The following MICAL2 variants were observed in gnomAD, a reference collection of about 807,000 sequenced individuals.
The protein encoded by MICAL2 is microtubule associated monooxygenase, calponin and LIM domain containing 2.
Under a neutral mutation model 127.3 loss-of-function variants are expected in MICAL2, and 77 were observed. That is an observed-to-expected ratio of 0.60 (90% CI 0.50 to 0.73). MICAL2 has a LOEUF of 0.73. MICAL2 is among the 30% of genes least tolerant of loss of function. MICAL2 has a pLI of 0.00. For missense variants in MICAL2, 1,351 were observed against 1,434.4 expected (o/e 0.94, Z 0.94); for synonymous variants, 570 against 551.1 (o/e 1.03, Z -0.48).
exon 3 of MICAL2, chr11:12,287,290 G>A (rs891427148): frequency 2.5e-6 from 1 of 395,126 alleles, no homozygotes; most frequent in African/African-American, 2.1e-5. Flanking sequence ...GGTTGTCAGA[G>A]GCAAGAAATA....
At chr11:12,162,776 A>G (rs1854985043) in intron 3 of MICAL2, among the ~76,000 whole-genome samples, 1 of 152,206 alleles carries the variant, frequency 6.6e-6, no homozygotes, top group South Asian at 2.1e-4. Flanking sequence ...CCATGATTTC[A>G]ATGAACAGCT....
chr11:12,305,890 A>G (rs1864104216), intron 29 of MICAL2, among the ~76,000 whole-genome samples: 2 of 152,196 alleles, frequency 1.3e-5, no homozygotes, highest in Admixed American at 1.3e-4. Context: ...TTCAAATGAT[A>G]TGGTTTTTAA....
intron 3 of MICAL2, among the ~76,000 whole-genome samples, chr11:12,184,599 C>T (rs926930955): frequency 2.6e-5 from 4 of 152,224 alleles, no homozygotes; most frequent in Middle Eastern, 3.2e-3. Flanking sequence ...TAAATAAATT[C>T]CCAATACAGT....
At chr11:12,168,163 C>CACACACAG (rs1855746516) in intron 3 of MICAL2, among the ~76,000 whole-genome samples, 1 of 151,114 alleles carries the variant, frequency 6.6e-6, no homozygotes. Context: ...CACACACACA[C>CACACACAG]ACACACTTAT....
At chr11:12,237,864 C>T (rs535434251) in intron 16 of MICAL2, among the ~76,000 whole-genome samples, 7 of 152,300 alleles carry the variant, frequency 4.6e-5, no homozygotes, top group South Asian at 2.1e-4. Flanking sequence ...TTCGTGGACC[C>T]GTTAATGTCT....
intron 29 of MICAL2, among the ~76,000 whole-genome samples, chr11:12,312,340 T>C (rs1387261405): frequency 1.2e-5 from 1 of 83,162 alleles, no homozygotes; most frequent in African/African-American, 5.4e-5. Context: ...TTTCTCAACT[T>C]TTTTTTTTTT....
At chr11:12,356,030 G>A (rs1939122626) in intron 34 of MICAL2, among the ~76,000 whole-genome samples, 1 of 152,010 alleles carries the variant, frequency 6.6e-6, no homozygotes, top group South Asian at 2.1e-4. Flanking sequence ...ATAAACCATA[G>A]GTTCTAACTG....
intron 32 of MICAL2, among the ~76,000 whole-genome samples, chr11:12,330,523 A>T (rs1864403363): frequency 6.6e-6 from 1 of 152,100 alleles, no homozygotes; most frequent in Non-Finnish European, 1.5e-5. Flanking sequence ...TCTGGGAGTT[A>T]TTCATTAGGC....
At chr11:12,302,942 G>T (rs1394738583) in intron 29 of MICAL2, among the ~76,000 whole-genome samples, 2 of 152,144 alleles carry the variant, frequency 1.3e-5, no homozygotes, top group African/African-American at 2.4e-5. Context: ...CGATTTAATC[G>T]AATCACAGTT....
intron 16 of MICAL2, among the ~76,000 whole-genome samples, 173 bp downstream of exon 16, chr11:12,236,418 A>T (rs1190591602): frequency 1.3e-5 from 2 of 152,198 alleles, no homozygotes; most frequent in East Asian, 3.8e-4. Flanking sequence ...ACGCTTCACT[A>T]CTTACTAGCT....
chr11:12,327,201 A>T, exon 32 of MICAL2: 1 of 1,551,754 alleles, frequency 6.4e-7, no homozygotes, highest in Non-Finnish European at 8.7e-7. Flanking sequence ...GAGGAGGTGG[A>T]GGAGCGGCAG....
Position 12,249,266 on chromosome 11 carries a change from A to C in MICAL2, c.2847+20A>C. 7.1e-7 allele frequency: 1 copy of C among 1,417,010 alleles called. No homozygotes were observed. The highest frequency in any genetic ancestry group is 1.0e-6 in the Non-Finnish European group (1 of 1,001,718). The allele number at this position is 1,417,010 out of a possible 1,614,324, so 87.8% of individuals were successfully genotyped here. ...CCTCAGGTGAGTTAGAGCCTCCCTG[A>C]ACTTCAGCTGCCTCACCTGCAAAGG... is the stretch of plus-strand genomic sequence containing the variant. On this transcript the variant is annotated intron_variant, in intron 22 of 27. Transcript: ENST00000683283.
At chr11:12,272,180 A>G (rs1590716501), upstream of MICAL2, among the ~76,000 whole-genome samples, 1 of 151,966 alleles carries the variant, frequency 6.6e-6, no homozygotes, top group Non-Finnish European at 1.5e-5. Context: ...TGGGTCTGGT[A>G]CCTCTGCAGA....
At chr11:12,211,378 C>T (rs2090160587) in intron 6 of MICAL2, among the ~76,000 whole-genome samples, 1 of 151,990 alleles carries the variant, frequency 6.6e-6, no homozygotes, top group Admixed American at 6.5e-5. Context: ...AAGACTCCAT[C>T]TCAGAAAAAA....
chr11:12,264,518 C>G (rs2134741270), downstream of MICAL2, among the ~76,000 whole-genome samples: 1 of 152,294 alleles, frequency 6.6e-6, no homozygotes, highest in East Asian at 1.9e-4. Context: ...TCCTCAGCCT[C>G]CCCTGGGTGG....
chr11:12,303,618 G>A (rs1864074602), intron 29 of MICAL2: 1 of 152,244 alleles, frequency 6.6e-6, no homozygotes, highest in South Asian at 2.1e-4. Context: ...GCTCAGTGCA[G>A]TGGCTCATGC....
intron 7 of MICAL2, 148 bp downstream of exon 7, chr11:12,213,558 T>A: frequency 1.4e-6 from 1 of 729,310 alleles, no homozygotes; most frequent in Non-Finnish European, 2.2e-6. Context: ...CCTAGGATAG[T>A]GAATACAGAC....
chr11:12,350,477 T>C (rs1317701403), intron 33 of MICAL2, among the ~76,000 whole-genome samples: 4 of 152,200 alleles, frequency 2.6e-5, no homozygotes, highest in African/African-American at 9.6e-5. Flanking sequence ...GTCATCATTC[T>C]AGAGGGAAAA....
chr11:12,242,563 G>A, intron 19 of MICAL2, 108 bp from the exon 20 acceptor site: 1 of 1,418,992 alleles, frequency 7.0e-7, no homozygotes, highest in Non-Finnish European at 9.9e-7. Context: ...TGTGTGTGGT[G>A]AGCAGGCAAG....
Sources: gnomAD v4.1 joint callset for allele counts (sites outside exome capture counted in the v4.1 genomes callset) on GRCh38, gnomAD v4.1.1 for gene constraint, MANE v1.5 for transcripts, NCBI Gene and HGNC (gene_info 2026-07-23, HGNC 2026-07-21) for gene names.